Variants in SPAG6 observed in about 807,000 individuals in gnomAD.
The protein encoded by SPAG6 is sperm associated antigen 6.
In SPAG6, 49 loss-of-function variants were observed where a neutral mutation model predicts 58.5. That is an observed-to-expected ratio of 0.84 (90% CI 0.67 to 1.06). The LOEUF is 1.06. Among genes scored for constraint, SPAG6 ranks in the 50% least tolerant of loss-of-function variants. SPAG6 has a pLI of 0.00. For missense variants in SPAG6, 560 were observed against 611.3 expected, an observed-to-expected ratio of 0.92 and a Z score of 0.89; for synonymous variants, 233 against 225.6, an observed-to-expected ratio of 1.03 and a Z score of -0.29.
intron 2 of SPAG6, among the ~76,000 whole-genome samples, chr10:22,356,410 AT>A (rs1298745982): frequency 1.3e-5 from 2 of 152,180 alleles, no homozygotes; most frequent in African/African-American, 4.8e-5. Flanking sequence ...CAAAGTTTTC[AT>A]TTTTATTAAT....
chr10:22,411,472 T>C (rs1317380837), intron 10 of SPAG6: 3 of 212,150 alleles, frequency 1.4e-5, no homozygotes, highest in South Asian at 1.4e-4. Context: ...TTTTAAATTG[T>C]GAATACCTGA....
At chr10:22,353,227 G>C (rs1166879775) in intron 2 of SPAG6, among the ~76,000 whole-genome samples, 1 of 152,234 alleles carries the variant, frequency 6.6e-6, no homozygotes, top group Non-Finnish European at 1.5e-5. Flanking sequence ...AATCCTGTTA[G>C]TACTGTCCTG....
chr10:22,368,926 G>T (rs560707162), intron 4 of SPAG6, among the ~76,000 whole-genome samples: 1 of 152,210 alleles, frequency 6.6e-6, no homozygotes, highest in East Asian at 1.9e-4. Flanking sequence ...GGAGAGAGGG[G>T]TGGCAGCGGG....
At position 22,386,815 on chromosome 10, in the gene SPAG6, G is replaced by A. The variant is rs569910228; in HGVS notation, c.534G>A (p.Glu178=). 560 of 1,613,602 alleles carry A rather than the reference G, an allele frequency of 3.5e-4. 5 individuals are homozygous for A. The South Asian group carries it at 5.7e-3, about 16-fold the overall frequency. ...AVPLLVLCIQ[E]PEIALKRIAA... is the part of the protein sequence containing the mutation. ...CTCTTTTAGTACTCTGTATCCAGGA[G>A]CCAGAAATTGCTTTGAAAAGGATTG... The change falls in exon 5 of 11, where the codon GAG becomes GAA. Residue 178 remains glutamate (E), a synonymous_variant. Transcript: ENST00000376624.
chr10:22,397,706 T>C (rs543445422), intron 8 of SPAG6, among the ~76,000 whole-genome samples: 1 of 152,238 alleles, frequency 6.6e-6, no homozygotes, highest in African/African-American at 2.4e-5. Flanking sequence ...AAGCATTAAA[T>C]ACATATAAAT....
intron 2 of SPAG6, among the ~76,000 whole-genome samples, chr10:22,346,663 A>G (rs1836567309): frequency 6.6e-6 from 1 of 151,966 alleles, no homozygotes; most frequent in South Asian, 2.1e-4. Context: ...ACTAACACAT[A>G]ATTTAAACAA....
intron 2 of SPAG6, among the ~76,000 whole-genome samples, chr10:22,353,097 T>C (rs1836775446): frequency 6.6e-6 from 1 of 152,244 alleles, no homozygotes; most frequent in Admixed American, 6.5e-5. Context: ...TCAAATATTT[T>C]ACAGTAGTGA....
At chr10:22,394,936 C>T (rs1834261030) in intron 8 of SPAG6, among the ~76,000 whole-genome samples, 1 of 152,032 alleles carries the variant, frequency 6.6e-6, no homozygotes, top group Admixed American at 6.6e-5. Context: ...GTCTTGAACT[C>T]CTGGCCTCAA....
At chr10:22,373,463 A>G (rs1163857981) in intron 4 of SPAG6, among the ~76,000 whole-genome samples, 5 of 152,208 alleles carry the variant, frequency 3.3e-5, no homozygotes, top group Admixed American at 1.3e-4. Flanking sequence ...AATCTCACCT[A>G]CTTATTTATG....
chr10:22,356,470 C>CT (rs1177893145), intron 2 of SPAG6, among the ~76,000 whole-genome samples: 1 of 152,228 alleles, frequency 6.6e-6, no homozygotes, highest in Non-Finnish European at 1.5e-5. Context: ...AGTGACTTTC[C>CT]TTTCCCCTTA....
rs547323515 is a variant in SPAG6, at chr10:22,399,108, C to T, written c.1198-2053C>T. Among the ~76,000 whole-genome samples, 139 of 152,256 alleles carry T rather than the reference C, an allele frequency of 9.1e-4. 2 individuals carry two copies. Among genetic ancestry groups the T allele is most frequent in the African/African-American group, 3.0e-3 (126 of 41,556 alleles). ...TGCTGGGATTACAGGCCTGAGCCAC[C>T]GCGCCTGGCTGAGTTTAAGTCTTTT... On this transcript the variant is annotated intron_variant, in intron 8 of 10. Coordinates refer to ENST00000376624, the MANE Select transcript of SPAG6 (RefSeq NM_012443.4).
intron 5 of SPAG6, 57 bp from the exon 6 acceptor site, chr10:22,387,766 C>G (rs769525428): frequency 1.9e-4 from 286 of 1,515,936 alleles, no homozygotes; most frequent in Non-Finnish European, 2.5e-4. Flanking sequence ...TACATCTGAA[C>G]TCTGTAGTGG....
intron 4 of SPAG6, among the ~76,000 whole-genome samples, chr10:22,382,174 A>C (rs1424405676): frequency 6.6e-6 from 1 of 152,196 alleles, no homozygotes; most frequent in African/African-American, 2.4e-5. Flanking sequence ...GAGGCAGAGA[A>C]GTGTGAAAAG....
intron 4 of SPAG6, among the ~76,000 whole-genome samples, chr10:22,373,908 A>G (rs1285987277): frequency 6.6e-6 from 1 of 152,158 alleles, no homozygotes; most frequent in Non-Finnish European, 1.5e-5. Flanking sequence ...ATATCCCTCT[A>G]TGTTTTTTGG....
chr10:22,388,004 G>T lies in SPAG6; in HGVS notation c.852+8G>T. 6.3e-7 allele frequency: 1 copy of T among 1,594,042 alleles called. No homozygotes were observed. The highest frequency in any genetic ancestry group is 8.5e-7 in the Non-Finnish European group (1 of 1,172,720). ...GCAAAACATACACCCGAGGTGAAAAGAAACTTCAAGGCACAATAATATGTA... is the reference window on the plus strand; with the variant it reads ...GCAAAACATACACCCGAGGTGAAAATAAACTTCAAGGCACAATAATATGTA... On this transcript the variant is annotated splice_region_variant and intron_variant, in intron 6 of 10. Coordinates refer to ENST00000376624, the MANE Select transcript of SPAG6 (RefSeq NM_012443.4).
intron 9 of SPAG6, among the ~76,000 whole-genome samples, chr10:22,403,724 T>C (rs1834475189): frequency 6.8e-6 from 1 of 146,764 alleles, no homozygotes; most frequent in Admixed American, 6.7e-5. Flanking sequence ...ACTTCCACAA[T>C]GGTTGAACTA....
intron 4 of SPAG6, among the ~76,000 whole-genome samples, chr10:22,376,695 T>C (rs1833822928): frequency 6.6e-6 from 1 of 152,078 alleles, no homozygotes; most frequent in African/African-American, 2.4e-5. Context: ...TGTGTCCTGG[T>C]TTTCAGACCC....
rs765396185 is a variant in SPAG6, at chr10:22,411,039, G to A, written c.1323G>A (p.Pro441=). ...HVVGQFSKVL[P]HDSKARRLFV... The stretch of plus-strand genomic sequence containing the variant: ...GTGCTTCACTTTGCAAGGTGCTGCC[G>A]CATGATAGCAAAGCTCGACGACTTT... The change falls in exon 10 of 11, where the codon CCG becomes CCA. Residue 441 remains proline, a synonymous_variant. Coordinates refer to ENST00000376624, the MANE Select transcript of SPAG6 (RefSeq NM_012443.4). The A allele has an allele frequency of 7.7e-5, 125 of 1,613,404 alleles. 1 individual carries two copies. The highest frequency in any genetic ancestry group is 3.9e-4 in the South Asian group (35 of 90,896).
rs115207913 is a variant in SPAG6 at position 22,375,079 on chromosome 10, A to G, written c.472+6401A>G. On this transcript the variant is annotated intron_variant, in intron 4 of 10. Transcript: ENST00000376624. ...GTGTGCTAAATGGATAAAGAGAAGGATATTTTGTGTACTGGTGGTTTGGAA... is the reference window on the plus strand; with the variant it reads ...GTGTGCTAAATGGATAAAGAGAAGGGTATTTTGTGTACTGGTGGTTTGGAA... 7.4e-3 allele frequency among the ~76,000 whole-genome samples: 1,122 copies of G among 152,328 alleles called. 7 individuals carry two copies. The highest frequency in any genetic ancestry group is 0.026 in the African/African-American group (1,086 of 41,578).
Sources: gnomAD v4.1 joint callset for allele counts (sites outside exome capture counted in the v4.1 genomes callset) on GRCh38, gnomAD v4.1.1 for gene constraint, MANE v1.5 for transcripts, NCBI Gene and HGNC (gene_info 2026-07-23, HGNC 2026-07-21) for gene names.